Variants in CSRNP2 observed in about 807,000 individuals in gnomAD.
CSRNP2 encodes cysteine/serine-rich nuclear protein 2.
Under a neutral mutation model 36.6 loss-of-function variants are expected in CSRNP2, and 11 were observed. The ratio of observed to expected loss-of-function variants is 0.30; its 90% CI spans 0.19 to 0.50. The LOEUF is 0.50. CSRNP2 is among the 20% of genes least tolerant of loss of function. The probability of loss-of-function intolerance (pLI) is 0.98; values close to 1 mark genes in which losing one functional copy is unlikely to be tolerated. For synonymous variants in CSRNP2, 248 were observed against 275.3 expected, an observed-to-expected ratio of 0.90 and a Z score of 0.98; for missense variants, 483 against 691.4, an observed-to-expected ratio of 0.70 and a Z score of 3.38.
In CSRNP2 at chr12:51,064,205, G is replaced by A. The variant is rs1334345236; in HGVS notation, c.1173C>T (p.Val391=). The change falls in exon 5 of 5, where the codon GTC becomes GTT. Residue 391 remains valine, a synonymous_variant. Coordinates refer to ENST00000228515, the MANE Select transcript of CSRNP2 (RefSeq NM_030809.3). ...IQAQLPPGSS[V]LCFTENSDHP... is the part of the protein sequence containing the mutation. Reference sequence around the variant, plus strand: ...GGTCTGAGTTCTCGGTAAAACACAGGACAGAGGAGCCTGGGGGCAGCTGAG... The same window carrying A: ...GGTCTGAGTTCTCGGTAAAACACAGAACAGAGGAGCCTGGGGGCAGCTGAG... The A allele has an allele frequency of 6.2e-7, 1 of 1,613,982 alleles. No homozygotes were observed. The highest frequency in any genetic ancestry group is 1.3e-5 in the African/African-American group (1 of 74,920).
Position 51,063,465 on chromosome 12 carries a change from A to G in CSRNP2, c.*281T>C. 1 of 231,492 alleles carries G rather than the reference A, an allele frequency of 4.3e-6. No individual in the cohort carries two copies. Among genetic ancestry groups the G allele is most frequent in the Non-Finnish European group, 8.4e-6 (1 of 119,316 alleles). 14.3% of individuals were successfully genotyped at this position (231,492 alleles called of 1,614,324 possible). ...CTTGAGTTACCCAGCTTTTCCTGTG[A>G]GATCCTAGTTCTTTGTTCCAGTGGC... On this transcript the variant is annotated 3_prime_UTR_variant, in exon 5 of 5. Transcript: ENST00000228515.
chr12:51,076,739 C>T, intron 1 of CSRNP2, 92 bp from the exon 2 acceptor site: 1 of 620,426 alleles, frequency 1.6e-6, no homozygotes, highest in Non-Finnish European at 2.8e-6. Context: ...AGCACCTCAC[C>T]TAGCACTGAT....
chr12:51,074,135 A>AGT, intron 2 of CSRNP2, 53 bp from the exon 3 acceptor site: 3 of 1,549,274 alleles, frequency 1.9e-6, no homozygotes, highest in Non-Finnish European at 2.6e-6. Flanking sequence ...TTATTTATTT[A>AGT]GAGATGGAGT....
At chr12:51,066,015 C>A (rs953396947) in intron 4 of CSRNP2, among the ~76,000 whole-genome samples, 13 of 152,174 alleles carry the variant, frequency 8.5e-5, no homozygotes, top group Admixed American at 6.5e-5. Context: ...CTTAAACTGT[C>A]CCCCATCAGA....
At position 51,067,109 on chromosome 12, in the gene CSRNP2, A is replaced by C. The variant is rs1044039993; in HGVS notation, c.708+564T>G. Among the ~76,000 whole-genome samples, 13 of 151,774 alleles carry C rather than the reference A, an allele frequency of 8.6e-5. No homozygotes were observed. The highest frequency in any genetic ancestry group is 1.8e-4 in the Non-Finnish European group (12 of 67,850). The stretch of plus-strand genomic sequence containing the variant: ...GCCTCCCAAAGTGCTGGGATTACAG[A>C]TGTGAGCCACCATGCCCAGTCCTGC... On this transcript the variant is annotated intron_variant, in intron 4 of 4. Coordinates refer to ENST00000228515, the MANE Select transcript of CSRNP2 (RefSeq NM_030809.3). The surrounding 1 kb of genome is among the most constrained non-coding windows in gnomAD (Gnocchi z 4.1).
At chr12:51,075,509 T>G (rs974879309) in intron 2 of CSRNP2, among the ~76,000 whole-genome samples, 1 of 152,182 alleles carries the variant, frequency 6.6e-6, no homozygotes, top group African/African-American at 2.4e-5. Flanking sequence ...GAAAATTCCA[T>G]TGGATAGCAT....
intron 4 of CSRNP2, among the ~76,000 whole-genome samples, chr12:51,066,207 C>A (rs2136850274): frequency 6.6e-6 from 1 of 152,172 alleles, no homozygotes; most frequent in African/African-American, 2.4e-5. Flanking sequence ...GTAATCCCAG[C>A]ACTTTGGGAG....
rs1305658940 is a variant in CSRNP2 at position 51,061,397 on chromosome 12, G to A, written c.*2349C>T. 3 of 152,618 alleles carry A rather than the reference G, an allele frequency of 2.0e-5. No homozygotes were observed. Among genetic ancestry groups the A allele is most frequent in the Non-Finnish European group, 4.4e-5 (3 of 68,030 alleles). 9.5% of individuals were successfully genotyped at this position (152,618 alleles called of 1,614,324 possible). A position where few individuals can be genotyped will look rare whatever the true frequency, so the allele number is the denominator to read the frequency against. ...AAAATAATAAGGGTTGTGGTAATAA[G>A]AGTCATTTATCTAGGCCTAGACTGG... is the stretch of plus-strand genomic sequence containing the variant. On this transcript the variant is annotated 3_prime_UTR_variant, in exon 5 of 5. Coordinates refer to ENST00000228515, the MANE Select transcript of CSRNP2 (RefSeq NM_030809.3).
At chr12:51,074,196 C>A in intron 2 of CSRNP2, 114 bp from the exon 3 acceptor site, 10 of 1,185,702 alleles carry the variant, frequency 8.4e-6, no homozygotes, top group Non-Finnish European at 1.2e-5. Flanking sequence ...CGGCTCACTG[C>A]AGCCTCCACC....
intron 4 of CSRNP2, among the ~76,000 whole-genome samples, chr12:51,065,686 C>T (rs1379523988): frequency 6.6e-6 from 1 of 152,074 alleles, no homozygotes; most frequent in Non-Finnish European, 1.5e-5. Flanking sequence ...CCTCAAACTC[C>T]TGGGCTCAAG....
intron 4 of CSRNP2, among the ~76,000 whole-genome samples, chr12:51,066,247 G>A (rs1308818475): frequency 6.6e-6 from 1 of 152,116 alleles, no homozygotes; most frequent in Non-Finnish European, 1.5e-5. Flanking sequence ...GAGGTCAAGA[G>A]ATCGAGACCA....
At chr12:51,064,907 C>A (rs1592740195) in intron 4 of CSRNP2, among the ~76,000 whole-genome samples, 1 of 152,186 alleles carries the variant, frequency 6.6e-6, no homozygotes, top group African/African-American at 2.4e-5. Context: ...TCAAGAGAAT[C>A]ATTTATCTCT....
chr12:51,074,244 AG>A (rs994655419), intron 2 of CSRNP2, among the ~76,000 whole-genome samples, 162 bp from the exon 3 acceptor site: 21 of 152,194 alleles, frequency 1.4e-4, no homozygotes, highest in African/African-American at 5.1e-4. Context: ...CAGCCTCCTG[AG>A]AAGCTGGGAT....
chr12:51,081,541 A>G (rs1271879763), intron 1 of CSRNP2: 1 of 152,252 alleles, frequency 6.6e-6, no homozygotes, highest in Non-Finnish European at 1.5e-5. Context: ...CAAAATGACC[A>G]ACTCAACAAA....
At chr12:51,078,500 A>G (rs1431870744) in intron 1 of CSRNP2, among the ~76,000 whole-genome samples, 1 of 152,236 alleles carries the variant, frequency 6.6e-6, no homozygotes, top group Non-Finnish European at 1.5e-5. Context: ...CAGAGGTCAC[A>G]TTCTTAGGGC....
intron 4 of CSRNP2, 75 bp from the exon 5 acceptor site, chr12:51,064,744 C>A (rs770856679): frequency 3.5e-5 from 46 of 1,315,050 alleles, no homozygotes; most frequent in Non-Finnish European, 4.4e-5. Context: ...CATGAGCTGG[C>A]AAACAGGCAG....
In CSRNP2 at chr12:51,076,590, C is replaced by A; in HGVS notation, c.-29G>T. 6.2e-7 allele frequency: 1 copy of A among 1,613,032 alleles called. No homozygotes were observed. Among genetic ancestry groups the A allele is most frequent in the Non-Finnish European group, 8.5e-7 (1 of 1,179,270 alleles). ...TTTCAAAGGGGTTTCCTTGGGGAGC[C>A]CACCAAGTTGGCCCCAAAGCCCCTA... is the stretch of plus-strand genomic sequence containing the variant. On this transcript the variant is annotated 5_prime_UTR_variant, in exon 2 of 5. Transcript: ENST00000228515.
chr12:51,077,239 C>T (rs903185796), intron 1 of CSRNP2, among the ~76,000 whole-genome samples: 1 of 152,106 alleles, frequency 6.6e-6, no homozygotes, highest in Non-Finnish European at 1.5e-5. Context: ...CACCACTGAA[C>T]CCGGCTAGAC....
chr12:51,081,367 T>C (rs533126848), intron 1 of CSRNP2: 1 of 152,348 alleles, frequency 6.6e-6, no homozygotes, highest in Admixed American at 6.5e-5. Flanking sequence ...ATAGTTTCCA[T>C]ACTTTCCAAT....
Sources: allele counts gnomAD v4.1 joint callset (sites outside exome capture counted in the v4.1 genomes callset), GRCh38; gene constraint gnomAD v4.1.1; non-coding constraint Gnocchi (gnomAD v3.1); transcripts MANE v1.5; gene names NCBI Gene and HGNC (gene_info 2026-07-23, HGNC 2026-07-21).